MTFR1: variants seen among roughly 807,000 people sequenced by gnomAD.
MTFR1 encodes the protein mitochondrial fission regulator 1, also known as chondrocyte protein with a poly-proline region.
In MTFR1, 28 loss-of-function variants were observed where a neutral mutation model predicts 38.8. That is an observed-to-expected ratio of 0.72 (90% CI 0.53 to 0.99). The LOEUF (loss-of-function observed/expected upper bound fraction) is 0.99. Among genes scored for constraint, MTFR1 ranks in the 50% least tolerant of loss-of-function variants. MTFR1 has a pLI of 0.00. For missense variants in MTFR1, 358 were observed against 395.5 expected (o/e 0.91, Z 0.81); for synonymous variants, 145 against 137.0 (o/e 1.06, Z -0.41).
chr8:65,668,366 T>TATTA (rs1480196249), intron 1 of MTFR1, among the ~76,000 whole-genome samples: 1 of 150,264 alleles, frequency 6.7e-6, no homozygotes, highest in Non-Finnish European at 1.5e-5. Context: ...TTTTGTACTT[T>TATTA]TAATAGAGAT....
chr8:65,707,162 A>G lies in MTFR1; in HGVS notation c.670A>G (p.Thr224Ala), dbSNP rs781715068. The G allele has an allele frequency of 6.2e-7, 1 of 1,614,152 alleles. No individual in the cohort carries two copies. The highest frequency in any genetic ancestry group is 8.5e-7 in the Non-Finnish European group (1 of 1,179,976). ...RREKRANAGK[T>A]LVKNNPKKPE... The stretch of plus-strand genomic sequence containing the variant: ...AGAGAAAAGAGCCAATGCTGGAAAG[A>G]CTTTGGTTAAGAACAATCCAAAGAA... The change falls in exon 6 of 8, where the codon ACT becomes GCT. Residue 224 changes from threonine (T) to alanine (A), a missense_variant. Coordinates refer to ENST00000262146, the MANE Select transcript of MTFR1 (RefSeq NM_014637.4).
At chr8:65,670,454 A>G (rs935447412) in intron 2 of MTFR1, among the ~76,000 whole-genome samples, 1 of 152,174 alleles carries the variant, frequency 6.6e-6, no homozygotes, top group South Asian at 2.1e-4. Flanking sequence ...ATAAGAAGAA[A>G]AAAAAGTTAC....
chr8:65,740,750 A>ATTCCT (rs975367968), intron 3 of MTFR1, among the ~76,000 whole-genome samples: 1 of 152,144 alleles, frequency 6.6e-6, no homozygotes, highest in African/African-American at 2.4e-5. Context: ...CCTCAGAGAT[A>ATTCCT]TTCCTTGTTC....
chr8:65,723,978 C>T (rs968878334), intron 3 of MTFR1, among the ~76,000 whole-genome samples: 4 of 152,122 alleles, frequency 2.6e-5, no homozygotes, highest in Non-Finnish European at 5.9e-5. Context: ...AAGGATAAAG[C>T]AAGTTCAGGG....
chr8:65,682,382 G>A lies in MTFR1; in HGVS notation c.96G>A (p.Ser32=), dbSNP rs765779056. 27 of 1,570,932 alleles carry A rather than the reference G, an allele frequency of 1.7e-5. No homozygotes were observed. The highest frequency in any genetic ancestry group is 2.4e-5 in the East Asian group (1 of 42,294). ...TTTGGTCTAGGAAGCCATATGGTTC[G>A]TCTCGAAGTATCGTAAGGAAAATTG... The part of the protein sequence containing the change: ...SVLWSRKPYG[S]SRSIVRKIGT... Residue 32 remains serine, a synonymous_variant, in exon 3 of 8, where the codon TCG becomes TCA. Coordinates refer to ENST00000262146, the MANE Select transcript of MTFR1 (RefSeq NM_014637.4).
rs139624623 is a variant in MTFR1 at position 65,704,814 on chromosome 8, G to T, written c.402G>T (p.Ala134=). 3.1e-6 allele frequency: 5 copies of T among 1,613,978 alleles called. No individual in the cohort carries two copies. The African/African-American group carries it at 4.0e-5, about 13-fold the overall frequency. ...SQEEPQLKTP[A]LANEEALQKI... ...AAGAGCCTCAGCTGAAGACCCCAGC[G>T]CTGGCAAATGAGGAAGCACTGCAGA... The change falls in exon 5 of 8, where the codon GCG becomes GCT. Residue 134 remains alanine (A), a synonymous_variant. Coordinates refer to ENST00000262146, the MANE Select transcript of MTFR1 (RefSeq NM_014637.4).
intron 3 of MTFR1, chr8:65,735,003 G>A: frequency 1.4e-6 from 1 of 715,622 alleles, no homozygotes. Flanking sequence ...GTAGCTATCG[G>A]CTAAAATCGT....
chr8:65,682,405 T>C lies in MTFR1; in HGVS notation c.119T>C (p.Ile40Thr). The change falls in exon 3 of 8, where the codon ATT becomes ACT. Residue 40 changes from isoleucine (I) to threonine (T), a missense_variant. Ile to Thr is a moderately conservative substitution (Grantham distance 89, BLOSUM62 -1). Transcript: ENST00000262146. ...YGSSRSIVRK[I>T]GTNLSLIQCP... is the part of the protein sequence containing the mutation. ...TCGTCTCGAAGTATCGTAAGGAAAATTGGTACTAATTTGTCTCTGATTCAG... is the reference window on the plus strand; with the variant it reads ...TCGTCTCGAAGTATCGTAAGGAAAACTGGTACTAATTTGTCTCTGATTCAG... The C allele has an allele frequency of 6.4e-7, 1 of 1,568,160 alleles. No individual in the cohort carries two copies. The highest frequency in any genetic ancestry group is 1.2e-5 in the South Asian group (1 of 83,076).
chr8:65,737,852 TCTTAA>T (rs1180546487), intron 3 of MTFR1, among the ~76,000 whole-genome samples: 16 of 152,316 alleles, frequency 1.1e-4, no homozygotes, highest in East Asian at 7.7e-4. Flanking sequence ...ACCAGCAACA[TCTTAA>T]CTTATTTTAT....
rs539738557 is a variant in MTFR1 at position 65,659,578 on chromosome 8, C to T, written c.-80-10295C>T. On this transcript the variant is annotated intron_variant, in intron 1 of 7. Coordinates refer to ENST00000262146, the MANE Select transcript of MTFR1 (RefSeq NM_014637.4). ...TGGAAGAGAAGGGGGACGTGAGGTA[C>T]AGTGGTGAGATGTGCAGTTTCGGGG... is the stretch of plus-strand genomic sequence containing the variant. Among the ~76,000 whole-genome samples the T allele has an allele frequency of 2.0e-5, 3 of 152,144 alleles. No homozygotes were observed. The South Asian group carries it at 6.2e-4, about 32-fold the overall frequency.
chr8:65,741,676 G>A (rs1251839896), intron 3 of MTFR1, among the ~76,000 whole-genome samples: 1 of 152,214 alleles, frequency 6.6e-6, no homozygotes, highest in African/African-American at 2.4e-5. Context: ...ATGTGGTGTG[G>A]AGCCATTTCT....
chr8:65,660,321 A>C (rs1316468350), intron 1 of MTFR1, among the ~76,000 whole-genome samples: 1 of 151,770 alleles, frequency 6.6e-6, no homozygotes, highest in African/African-American at 2.4e-5. Context: ...ACAAAAAAAA[A>C]ACCCATCTGT....
chr8:65,756,015 A>T (rs1585878354), intron 3 of MTFR1, among the ~76,000 whole-genome samples: 1 of 152,234 alleles, frequency 6.6e-6, no homozygotes, highest in Non-Finnish European at 1.5e-5. Flanking sequence ...TTCTTCAAGG[A>T]TAGTTTTGCC....
At chr8:65,684,959 G>A (rs1391968543) in intron 3 of MTFR1, among the ~76,000 whole-genome samples, 1 of 152,078 alleles carries the variant, frequency 6.6e-6, no homozygotes, top group Non-Finnish European at 1.5e-5. Flanking sequence ...AGCCGAGATC[G>A]TGCCAATGCA....
chr8:65,761,945 C>A (rs146514725), intron 3 of MTFR1, among the ~76,000 whole-genome samples: 4 of 152,146 alleles, frequency 2.6e-5, no homozygotes, highest in African/African-American at 9.7e-5. Context: ...TTTCCCACAA[C>A]CGATGTCACA....
In MTFR1 at chr8:65,707,927, T is replaced by G. The variant is rs1805833585; in HGVS notation, c.849T>G (p.Ala283=). Residue 283 remains alanine, a synonymous_variant, in exon 7 of 8, where the codon GCT becomes GCG. Transcript: ENST00000262146. The stretch of plus-strand genomic sequence containing the variant: ...CAGAGGCTCTGAAAAAGAAATTTGC[T>G]TATCGGTATCGAAGTGATAGCCAAG... ...LIAEALKKKF[A]YRYRSDSQDE... 1.9e-6 allele frequency: 3 copies of G among 1,614,112 alleles called. No individual in the cohort carries two copies. Among genetic ancestry groups the G allele is most frequent in the Non-Finnish European group, 2.5e-6 (3 of 1,179,992 alleles).
At chr8:65,657,686 C>G (rs1473309514) in intron 1 of MTFR1, among the ~76,000 whole-genome samples, 1 of 147,640 alleles carries the variant, frequency 6.8e-6, no homozygotes, top group Non-Finnish European at 1.5e-5. Context: ...GCCTGGGTGA[C>G]AGAAGAGTGA....
chr8:65,719,524 A>C (rs762731079), intron 3 of MTFR1: 1 of 1,401,394 alleles, frequency 7.1e-7, no homozygotes, highest in Non-Finnish European at 1.0e-6. Context: ...AAAGTTATTA[A>C]CATATATGCT....
chr8:65,691,640 A>G (rs117802133), intron 3 of MTFR1, among the ~76,000 whole-genome samples: 6,316 of 151,806 alleles, frequency 0.042, 194 homozygotes, highest in Non-Finnish European at 0.063. Flanking sequence ...TTTATTGTTA[A>G]CATGTTTTTG....
Sources: allele counts gnomAD v4.1 joint callset (sites outside exome capture counted in the v4.1 genomes callset), GRCh38; gene constraint gnomAD v4.1.1; transcripts MANE v1.5; gene names NCBI Gene and HGNC (gene_info 2026-07-23, HGNC 2026-07-21).